The following SHISA9 variants were observed in gnomAD, a reference collection of about 807,000 sequenced individuals.
SHISA9 encodes the protein shisa family member 9, also known as protein shisa-9.
SHISA9 carries 13 observed loss-of-function variants against 38.0 expected under a neutral mutation model. That is an observed-to-expected ratio of 0.34 (90% CI 0.22 to 0.54). SHISA9 has a LOEUF of 0.54. Among genes scored for constraint, SHISA9 ranks in the 20% least tolerant of loss-of-function variants. The probability of loss-of-function intolerance (pLI) is 0.91; values close to 1 mark genes in which losing one functional copy is unlikely to be tolerated. For missense variants in SHISA9, 538 were observed against 575.8 expected, an observed-to-expected ratio of 0.93 and a Z score of 0.67; for synonymous variants, 275 against 242.0, an observed-to-expected ratio of 1.14 and a Z score of -1.27.
At chr16:13,262,396 C>T in the SHISA9 span, among the ~76,000 whole-genome samples, 2 of 152,134 alleles carry the variant, frequency 1.3e-5, no homozygotes, top group Admixed American at 6.6e-5. Flanking sequence ...TTTCTCAGTT[C>T]CCTCCTTCCT....
chr16:13,299,090 T>C, the SHISA9 span, among the ~76,000 whole-genome samples: 5 of 152,180 alleles, frequency 3.3e-5, no homozygotes, highest in East Asian at 7.7e-4. Flanking sequence ...GCCAGTGACC[T>C]CCAGCTCATC....
chr16:13,212,430 G>A (rs190980884), intron 3 of SHISA9, among the ~76,000 whole-genome samples: 2 of 152,276 alleles, frequency 1.3e-5, no homozygotes, highest in East Asian at 1.9e-4. Flanking sequence ...TTTATGAAAG[G>A]AGTCATTATG....
At chr16:13,516,509 A>G in the SHISA9 span, among the ~76,000 whole-genome samples, 4 of 152,276 alleles carry the variant, frequency 2.6e-5, no homozygotes, top group Admixed American at 2.0e-4. Flanking sequence ...GAAGAATTAT[A>G]GGGCCAGTAA....
At chr16:13,454,065 A>G in the SHISA9 span, among the ~76,000 whole-genome samples, 1 of 152,190 alleles carries the variant, frequency 6.6e-6, no homozygotes, top group Non-Finnish European at 1.5e-5. Flanking sequence ...AGGCAGACAT[A>G]TCTACTTGAT....
the SHISA9 span, among the ~76,000 whole-genome samples, chr16:13,505,481 GA>G: frequency 6.6e-6 from 1 of 152,208 alleles, no homozygotes; most frequent in African/African-American, 2.4e-5. Flanking sequence ...AAGGTCTTCA[GA>G]GCAAAGAAGT....
At chr16:13,216,269 C>T (rs530128778) in intron 4 of SHISA9, among the ~76,000 whole-genome samples, 1 of 151,922 alleles carries the variant, frequency 6.6e-6, no homozygotes, top group Non-Finnish European at 1.5e-5. Flanking sequence ...AATACAGGCA[C>T]CATCATTTGC....
intron 2 of SHISA9, among the ~76,000 whole-genome samples, chr16:13,141,683 A>AAT (rs993795506): frequency 3.0e-4 from 46 of 151,758 alleles, no homozygotes; most frequent in Non-Finnish European, 5.0e-4. Context: ...CTCCATCTCA[A>AAT]ATATATATAT....
the SHISA9 span, among the ~76,000 whole-genome samples, chr16:13,264,828 G>A: frequency 6.6e-6 from 1 of 152,040 alleles, no homozygotes; most frequent in African/African-American, 2.4e-5. Context: ...CCCAAAGAGA[G>A]AAATCAATAA....
intron 2 of SHISA9, among the ~76,000 whole-genome samples, chr16:13,056,806 C>T (rs2073315915): frequency 6.6e-6 from 1 of 152,194 alleles, no homozygotes; most frequent in Admixed American, 6.5e-5. Context: ...TAGGCATTAG[C>T]TTATTAGGGT....
At chr16:13,287,979 A>C in the SHISA9 span, among the ~76,000 whole-genome samples, 2 of 152,104 alleles carry the variant, frequency 1.3e-5, no homozygotes, top group African/African-American at 4.8e-5. Flanking sequence ...GTGTGGATGG[A>C]CGAGGAGCTT....
chr16:13,461,329 C>T, the SHISA9 span, among the ~76,000 whole-genome samples: 1,495 of 152,280 alleles, frequency 9.8e-3, 27 homozygotes, highest in African/African-American at 0.033. Flanking sequence ...CCTGTAATCC[C>T]AGCACTTTGG....
chr16:13,212,642 C>G (rs141618488), intron 3 of SHISA9, among the ~76,000 whole-genome samples: 90 of 152,286 alleles, frequency 5.9e-4, no homozygotes, highest in African/African-American at 2.0e-3. Flanking sequence ...AAGGGTGACT[C>G]TGTGGATAAA....
Position 12,957,261 on chromosome 16 carries a change from A to G in SHISA9, c.691+40446A>G, listed in dbSNP as rs1372330326. On this transcript the variant is annotated intron_variant, in intron 2 of 4. Coordinates refer to ENST00000558583, the MANE Select transcript of SHISA9 (RefSeq NM_001145204.3). ...CCCTTTCTACAAGCATAGGGCTTGG[A>G]AACATAATTTATAACTGATTTTCTT... 2.6e-5 allele frequency among the ~76,000 whole-genome samples: 4 copies of G among 152,238 alleles called. No individual in the cohort carries two copies. In the East Asian group the frequency reaches 7.7e-4, roughly 29 times the overall value.
intron 1 of SHISA9, among the ~76,000 whole-genome samples, chr16:12,914,826 A>C (rs948921711): frequency 6.6e-6 from 1 of 152,204 alleles, no homozygotes; most frequent in South Asian, 2.1e-4. Context: ...CCACCCCTGT[A>C]GTTTCTGACT....
At position 12,909,445 on chromosome 16, in the gene SHISA9, G is replaced by A; in HGVS notation, c.563+6818G>A. The A allele has an allele frequency of 9.1e-6, 9 of 985,434 alleles. No homozygotes were observed. The South Asian group carries it at 4.2e-4, about 46-fold the overall frequency. 61.0% of individuals were successfully genotyped at this position (985,434 alleles called of 1,614,324 possible). ...ACATAGATTGGACATTGGGATACCT[G>A]GAGGCTTTGAAGCAAGATACCGGGA... On this transcript the variant is annotated intron_variant, in intron 1 of 4. Coordinates refer to ENST00000558583, the MANE Select transcript of SHISA9 (RefSeq NM_001145204.3).
In SHISA9 at chr16:13,218,496, C is replaced by G. The variant is rs2051192346; in HGVS notation, c.895+5196C>G. On this transcript the variant is annotated intron_variant, in intron 4 of 4. Coordinates refer to ENST00000558583, the MANE Select transcript of SHISA9 (RefSeq NM_001145204.3). Reference sequence around the variant, plus strand: ...TCTTAGTGGTGATTTGAGCTGGGGCCACAGCTGGACGGTAACAGCATTGAA... The same window carrying G: ...TCTTAGTGGTGATTTGAGCTGGGGCGACAGCTGGACGGTAACAGCATTGAA... 1.3e-5 allele frequency among the ~76,000 whole-genome samples: 2 copies of G among 152,288 alleles called. 1 individual carries two copies. The highest frequency in any genetic ancestry group is 6.8e-3 in the Middle Eastern group (2 of 294).
the SHISA9 span, among the ~76,000 whole-genome samples, chr16:13,339,842 A>G: frequency 6.6e-6 from 1 of 152,166 alleles, no homozygotes; most frequent in African/African-American, 2.4e-5. Context: ...TAGATCTTAG[A>G]TTGTTATGAA....
At chr16:12,962,154 C>T (rs2071920052) in intron 2 of SHISA9, among the ~76,000 whole-genome samples, 1 of 152,210 alleles carries the variant, frequency 6.6e-6, no homozygotes, top group Non-Finnish European at 1.5e-5. Context: ...CCATCATGTG[C>T]TGGTGCTGTC....
chr16:13,079,522 C>T (rs931176829), intron 2 of SHISA9, among the ~76,000 whole-genome samples: 3 of 152,218 alleles, frequency 2.0e-5, no homozygotes, highest in African/African-American at 7.2e-5. Context: ...GTGCAATTAG[C>T]AAATTACACT....
Sources: gnomAD v4.1 joint callset for allele counts (sites outside exome capture counted in the v4.1 genomes callset) on GRCh38, gnomAD v4.1.1 for gene constraint, MANE v1.5 for transcripts, NCBI Gene and HGNC (gene_info 2026-07-23, HGNC 2026-07-21) for gene names.